HS6ST3: variants seen among roughly 807,000 people sequenced by gnomAD.
The protein encoded by HS6ST3 is heparan-sulfate 6-O-sulfotransferase 3.
A neutral mutation model predicts 36.7 loss-of-function variants in HS6ST3; 12 were observed. That is an observed-to-expected ratio of 0.33 (90% CI 0.21 to 0.53). HS6ST3 has a LOEUF of 0.53. Ranked by LOEUF, HS6ST3 falls within the 20% of genes least tolerant of loss-of-function variation. HS6ST3 has a pLI of 0.95. For synonymous variants in HS6ST3, 240 were observed against 257.5 expected (o/e 0.93, Z 0.65); for missense variants, 584 against 640.9 (o/e 0.91, Z 0.96).
chr13:96,581,875 G>A (rs972713051), intron 1 of HS6ST3, among the ~76,000 whole-genome samples: 1 of 152,158 alleles, frequency 6.6e-6, no homozygotes, highest in Non-Finnish European at 1.5e-5. Flanking sequence ...GTACTGAAGT[G>A]GGGAACAGGA....
chr13:96,346,697 G>C (rs1240954206), intron 1 of HS6ST3, among the ~76,000 whole-genome samples: 24 of 152,172 alleles, frequency 1.6e-4, no homozygotes. Context: ...TACACTGACT[G>C]AGACACACTA....
chr13:96,653,505 C>T (rs2056614558), intron 1 of HS6ST3, among the ~76,000 whole-genome samples: 1 of 152,010 alleles, frequency 6.6e-6, no homozygotes. Flanking sequence ...TGATGGTTTC[C>T]AGCTTCATCC....
chr13:96,406,899 C>G (rs990837844), intron 1 of HS6ST3, among the ~76,000 whole-genome samples: 2 of 51,030 alleles, frequency 3.9e-5, no homozygotes, highest in Non-Finnish European at 8.5e-5. Flanking sequence ...ATTTGATCAA[C>G]TTTTATTAAA....
intron 1 of HS6ST3, among the ~76,000 whole-genome samples, chr13:96,145,861 T>A (rs2054055476): frequency 6.6e-6 from 1 of 152,218 alleles, no homozygotes; most frequent in Non-Finnish European, 1.5e-5. Flanking sequence ...CAGTTTCAGC[T>A]TTCTACATAT....
chr13:96,537,367 T>C (rs2056160096), intron 1 of HS6ST3, among the ~76,000 whole-genome samples: 1 of 152,104 alleles, frequency 6.6e-6, no homozygotes, highest in Non-Finnish European at 1.5e-5. Context: ...CAATTCAAGA[T>C]GAGATTTGGG....
In HS6ST3 at chr13:96,706,413, TTATATATATATA is replaced by T. The variant is rs3052119; in HGVS notation, c.708-126060_708-126049del. On this transcript the variant is annotated intron_variant, in intron 1 of 1. Coordinates refer to ENST00000376705, the MANE Select transcript of HS6ST3 (RefSeq NM_153456.4). The stretch of plus-strand genomic sequence containing the variant: ...TATATAAAATATAATAGAATATATT[TTATATATATATA>T]TATATATATATATATAATCAGGGAA... 2.8e-3 allele frequency among the ~76,000 whole-genome samples: 344 copies of T among 121,024 alleles called. 5 individuals are homozygous for T. Among genetic ancestry groups the T allele is most frequent in the African/African-American group, 7.9e-3 (223 of 28,302 alleles). The allele number at this position is 121,024 out of a possible 152,430, so 79.4% of individuals were successfully genotyped here. A position where few individuals can be genotyped will look rare whatever the true frequency, so the allele number is the denominator to read the frequency against.
At chr13:96,112,090 C>T (rs1313040744) in intron 1 of HS6ST3, among the ~76,000 whole-genome samples, 1 of 152,084 alleles carries the variant, frequency 6.6e-6, no homozygotes, top group African/African-American at 2.4e-5. Flanking sequence ...GGATGCATAG[C>T]TCGAAGTATA....
chr13:96,484,433 G>A lies in HS6ST3; in HGVS notation c.708-348057G>A, dbSNP rs117127671. On this transcript the variant is annotated intron_variant, in intron 1 of 1. Transcript: ENST00000376705. ...CAGTATTGTTAACTATATTCACTATGCAGTACATTAGATCACCAGAATTTA... is the reference window on the plus strand; with the variant it reads ...CAGTATTGTTAACTATATTCACTATACAGTACATTAGATCACCAGAATTTA... Among the ~76,000 whole-genome samples, 200 of 152,208 alleles carry A rather than the reference G, an allele frequency of 1.3e-3. 2 individuals are homozygous for A. Among genetic ancestry groups the A allele is most frequent in the Non-Finnish European group, 2.4e-3 (164 of 68,004 alleles).
intron 1 of HS6ST3, among the ~76,000 whole-genome samples, chr13:96,584,671 T>A (rs2056354291): frequency 6.6e-6 from 1 of 152,194 alleles, no homozygotes; most frequent in Non-Finnish European, 1.5e-5. Context: ...TTATCCCTGG[T>A]CTTTTGTCTT....
At chr13:96,436,602 G>A (rs1439233087) in intron 1 of HS6ST3, among the ~76,000 whole-genome samples, 1 of 152,168 alleles carries the variant, frequency 6.6e-6, no homozygotes, top group Non-Finnish European at 1.5e-5. Flanking sequence ...CCATCAGGGT[G>A]AGTCCTAATC....
Position 96,495,888 on chromosome 13 carries a change from C to T in HS6ST3, c.708-336602C>T, listed in dbSNP as rs150267846. ...TCCCATATATTGCCCTCGTGAAGAG[C>T]GCAGTAGTTCCTTTCCCTCTTCAGC... On this transcript the variant is annotated intron_variant, in intron 1 of 1. Coordinates refer to ENST00000376705, the MANE Select transcript of HS6ST3 (RefSeq NM_153456.4). Among the ~76,000 whole-genome samples, 846 of 152,330 alleles carry T rather than the reference C, an allele frequency of 5.6e-3. 8 individuals are homozygous for T. Among genetic ancestry groups the T allele is most frequent in the Non-Finnish European group, 8.3e-3 (564 of 68,026 alleles).
intron 1 of HS6ST3, among the ~76,000 whole-genome samples, chr13:96,458,256 A>G (rs1251042878): frequency 6.6e-6 from 1 of 152,158 alleles, no homozygotes; most frequent in African/African-American, 2.4e-5. Context: ...AGGAATGCCA[A>G]ATTCTGTTTT....
chr13:96,605,552 C>T lies in HS6ST3; in HGVS notation c.708-226938C>T, dbSNP rs191870949. On this transcript the variant is annotated intron_variant, in intron 1 of 1. Transcript: ENST00000376705. ...CATACGATCATCCACATCCATTTTT[C>T]TCCATTTTGCTAACCAGAATATCTA... 5.9e-5 allele frequency among the ~76,000 whole-genome samples: 9 copies of T among 152,162 alleles called. No individual in the cohort carries two copies. The East Asian group carries it at 1.7e-3, about 29-fold the overall frequency.
chr13:96,532,527 A>G (rs934723168), intron 1 of HS6ST3, among the ~76,000 whole-genome samples: 1 of 152,230 alleles, frequency 6.6e-6, no homozygotes, highest in East Asian at 1.9e-4. Context: ...GAAGCCCAAG[A>G]TATTCTAAGC....
Position 96,598,242 on chromosome 13 carries a change from T to C in HS6ST3, c.708-234248T>C, listed in dbSNP as rs529299744. On this transcript the variant is annotated intron_variant, in intron 1 of 1. Transcript: ENST00000376705. Reference sequence around the variant, plus strand: ...TCTGGGTATTTTGATAGGAATTGCGTTGAAACTGTAGGTTGCTTTGGGCAG... The same window carrying C: ...TCTGGGTATTTTGATAGGAATTGCGCTGAAACTGTAGGTTGCTTTGGGCAG... Among the ~76,000 whole-genome samples, 6 of 152,248 alleles carry C rather than the reference T, an allele frequency of 3.9e-5. No homozygotes were observed. In the South Asian group the frequency reaches 1.0e-3, roughly 26 times the overall value.
At chr13:96,484,142 CT>C (rs906280431) in intron 1 of HS6ST3, among the ~76,000 whole-genome samples, 1 of 151,902 alleles carries the variant, frequency 6.6e-6, no homozygotes, top group Admixed American at 6.6e-5. Context: ...ATTACTGTAG[CT>C]TTTTTTCAGC....
intron 1 of HS6ST3, among the ~76,000 whole-genome samples, chr13:96,602,939 G>C (rs2056426738): frequency 6.6e-6 from 1 of 152,128 alleles, no homozygotes; most frequent in African/African-American, 2.4e-5. Context: ...ATGTAAAATT[G>C]TCCTTCCTAC....
At chr13:96,313,909 T>G (rs1423470658) in intron 1 of HS6ST3, among the ~76,000 whole-genome samples, 1 of 152,002 alleles carries the variant, frequency 6.6e-6, no homozygotes, top group African/African-American at 2.4e-5. Context: ...TTGCCTAAAA[T>G]CCTCCCCAAG....
chr13:96,337,451 G>T (rs553218088), intron 1 of HS6ST3, among the ~76,000 whole-genome samples: 2 of 152,168 alleles, frequency 1.3e-5, no homozygotes, highest in Admixed American at 6.5e-5. Flanking sequence ...CCCTGAGAAG[G>T]GTTCGTGGGA....
Sources: gnomAD v4.1 joint callset for allele counts (sites outside exome capture counted in the v4.1 genomes callset) on GRCh38, gnomAD v4.1.1 for gene constraint, MANE v1.5 for transcripts, NCBI Gene and HGNC (gene_info 2026-07-23, HGNC 2026-07-21) for gene names.